Variants in IQCJ observed in about 807,000 individuals in gnomAD.
The protein encoded by IQCJ is IQ domain-containing protein J.
Under a neutral mutation model 11.0 loss-of-function variants are expected in IQCJ, and 9 were observed. The observed-to-expected ratio is 0.82, with a 90% CI of 0.49 to 1.43. IQCJ has a LOEUF of 1.43. Among genes scored for constraint, IQCJ ranks in the 40% most tolerant of loss-of-function variants. The pLI is 0.00. For synonymous variants in IQCJ, 55 were observed against 51.3 expected (o/e 1.07, Z -0.31); for missense variants, 146 against 133.2 (o/e 1.10, Z -0.47).
At chr3:159,164,430 T>C (rs1173007756) in intron 1 of IQCJ, among the ~76,000 whole-genome samples, 1 of 152,194 alleles carries the variant, frequency 6.6e-6, no homozygotes. Flanking sequence ...TACTAAACTC[T>C]CAGTCAAGCT....
chr3:159,092,696 A>C (rs1717405374), intron 1 of IQCJ, among the ~76,000 whole-genome samples: 1 of 122,268 alleles, frequency 8.2e-6, no homozygotes, highest in South Asian at 2.7e-4. Flanking sequence ...AGACTCCATC[A>C]CAAACACACA....
At chr3:159,166,893 TG>T (rs980711206) in intron 1 of IQCJ, among the ~76,000 whole-genome samples, 1 of 152,188 alleles carries the variant, frequency 6.6e-6, no homozygotes, top group African/African-American at 2.4e-5. Context: ...GCTGGTAAGC[TG>T]GGGTAGATAC....
At chr3:159,261,820 G>T (rs1728226098) in intron 3 of IQCJ, among the ~76,000 whole-genome samples, 1 of 148,582 alleles carries the variant, frequency 6.7e-6, no homozygotes, top group Non-Finnish European at 1.5e-5. Flanking sequence ...AACTTCCTTA[G>T]GCGAAACCTG....
chr3:159,092,796 A>ATT (rs11345482), intron 1 of IQCJ, among the ~76,000 whole-genome samples: 1 of 147,122 alleles, frequency 6.8e-6, no homozygotes, highest in African/African-American at 2.5e-5. Flanking sequence ...TGAATTAACT[A>ATT]TTTTTTTTTT....
rs1185857238 is a variant in IQCJ at position 159,109,605 on chromosome 3, AATC to A, written c.9+40171_9+40173del. On this transcript the variant is annotated intron_variant, in intron 1 of 3. Transcript: ENST00000397832. ...ATGCTCCGCTTGTCTAGCAAGAAAT[AATC>A]ATCATCTTTACTGGTTTCTAGAGAC... Among the ~76,000 whole-genome samples, 7 of 151,476 alleles carry A rather than the reference AATC, an allele frequency of 4.6e-5. No homozygotes were observed. In the East Asian group the frequency reaches 1.2e-3, roughly 25 times the overall value.
At chr3:159,262,401 T>G in intron 3 of IQCJ, 147 bp from the exon 4 acceptor site, 1 of 1,284,810 alleles carries the variant, frequency 7.8e-7, no homozygotes, top group African/African-American at 1.5e-5. Context: ...TCAGGTCTCC[T>G]GATTCACTAC....
chr3:159,134,380 C>A (rs1440991142), intron 1 of IQCJ, among the ~76,000 whole-genome samples: 1 of 152,118 alleles, frequency 6.6e-6, no homozygotes, highest in South Asian at 2.1e-4. Flanking sequence ...AGCGTGAACA[C>A]CAGTAAGTGG....
intron 1 of IQCJ, among the ~76,000 whole-genome samples, chr3:159,101,075 G>A (rs1229222369): frequency 2.0e-5 from 2 of 101,588 alleles, no homozygotes; most frequent in African/African-American, 7.9e-5. Flanking sequence ...CTCGTGGTGC[G>A]CCGTTTCTTA....
chr3:159,178,791 G>T (rs924254209), intron 1 of IQCJ, among the ~76,000 whole-genome samples: 1 of 152,098 alleles, frequency 6.6e-6, no homozygotes, highest in African/African-American at 2.4e-5. Flanking sequence ...AGTTGTAGGA[G>T]AAAACAGGAG....
intron 1 of IQCJ, among the ~76,000 whole-genome samples, chr3:159,145,625 C>T (rs181070904): frequency 1.2e-4 from 18 of 150,960 alleles, no homozygotes; most frequent in African/African-American, 2.7e-4. Flanking sequence ...GAGACTTTTC[C>T]GGAGAAAAAG....
At position 159,262,980 on chromosome 3, in the gene IQCJ, C is replaced by T; in HGVS notation, c.*249C>T. 1 of 1,192,662 alleles carries T rather than the reference C, an allele frequency of 8.4e-7. No individual in the cohort carries two copies. The highest frequency in any genetic ancestry group is 3.7e-5 in the East Asian group (1 of 27,122). The allele number at this position is 1,192,662 out of a possible 1,614,324, so 73.9% of individuals were successfully genotyped here. A position where few individuals can be genotyped will look rare whatever the true frequency, so the allele number is the denominator to read the frequency against. ...TGCTTTTCTTTATAATAGCATATTT[C>T]TTTTAGTATGTGCTGTGTGTTTCTT... On this transcript the variant is annotated 3_prime_UTR_variant, in exon 4 of 4. Coordinates refer to ENST00000397832, the MANE Select transcript of IQCJ (RefSeq NM_001042706.3).
intron 1 of IQCJ, among the ~76,000 whole-genome samples, chr3:159,076,013 C>T (rs571107003): frequency 6.6e-6 from 1 of 152,214 alleles, no homozygotes; most frequent in South Asian, 2.1e-4. Flanking sequence ...GCTCTTCTTA[C>T]CTTTCCTGGG....
chr3:159,217,734 T>C (rs1377619508), intron 1 of IQCJ, among the ~76,000 whole-genome samples: 2 of 152,140 alleles, frequency 1.3e-5, no homozygotes, highest in Non-Finnish European at 2.9e-5. Context: ...CTCCCCAGTT[T>C]CTCCATTTAC....
At chr3:159,085,337 T>A (rs1716655015) in intron 1 of IQCJ, among the ~76,000 whole-genome samples, 3 of 152,018 alleles carry the variant, frequency 2.0e-5, no homozygotes, top group Non-Finnish European at 4.4e-5. Context: ...TTTGGGTTGG[T>A]TCCAAGTCTT....
At chr3:159,217,353 T>C (rs1036012050) in intron 1 of IQCJ, among the ~76,000 whole-genome samples, 1 of 152,200 alleles carries the variant, frequency 6.6e-6, no homozygotes, top group African/African-American at 2.4e-5. Flanking sequence ...TCCTTCAAGA[T>C]ATTTTTCTTT....
intron 1 of IQCJ, among the ~76,000 whole-genome samples, chr3:159,167,001 C>T (rs1722205857): frequency 6.6e-6 from 1 of 152,114 alleles, no homozygotes; most frequent in African/African-American, 2.4e-5. Context: ...AGGAGGCAAC[C>T]CTGGTATTTC....
intron 1 of IQCJ, among the ~76,000 whole-genome samples, chr3:159,137,772 A>G (rs1451114620): frequency 1.3e-5 from 2 of 152,204 alleles, no homozygotes; most frequent in Non-Finnish European, 2.9e-5. Flanking sequence ...CCTATTTTTC[A>G]TCTCTAATGC....
chr3:159,148,714 G>A (rs1325059124), intron 1 of IQCJ, among the ~76,000 whole-genome samples: 2 of 152,124 alleles, frequency 1.3e-5, no homozygotes, highest in African/African-American at 4.8e-5. Context: ...TTTTGAAATT[G>A]CAAAATCACC....
chr3:159,207,810 G>A (rs1357455588), intron 1 of IQCJ, among the ~76,000 whole-genome samples: 1 of 152,168 alleles, frequency 6.6e-6, no homozygotes, highest in Non-Finnish European at 1.5e-5. Flanking sequence ...GGGTAATAAC[G>A]AACTTTATCT....
Sources: allele counts gnomAD v4.1 joint callset (sites outside exome capture counted in the v4.1 genomes callset), GRCh38; gene constraint gnomAD v4.1.1; transcripts MANE v1.5; gene names NCBI Gene and HGNC (gene_info 2026-07-23, HGNC 2026-07-21).